The following BET1 variants were observed in gnomAD, a reference collection of about 807,000 sequenced individuals.
BET1 encodes BET1 homolog.
Under a neutral mutation model 13.9 loss-of-function variants are expected in BET1, and 9 were observed. The observed-to-expected ratio is 0.65, with a 90% CI of 0.39 to 1.13. BET1 has a LOEUF of 1.13. Ranked by LOEUF, BET1 falls within the 50% of genes most tolerant of loss-of-function variation. The probability of loss-of-function intolerance (pLI) is 0.01; values close to 1 mark genes in which losing one functional copy is unlikely to be tolerated. For synonymous variants in BET1, 39 were observed against 47.3 expected (o/e 0.82, Z 0.72); for missense variants, 127 against 133.6 (o/e 0.95, Z 0.24).
chr7:93,964,902 G>A (rs1001879668), exon 7 of BET1: 1 of 152,028 alleles, frequency 6.6e-6, no homozygotes, highest in African/African-American at 2.4e-5. Flanking sequence ...TGCCACTGTG[G>A]AAATCAGCTT....
chr7:93,997,695 G>A (rs936020346), intron 2 of BET1, among the ~76,000 whole-genome samples: 3 of 152,076 alleles, frequency 2.0e-5, no homozygotes, highest in African/African-American at 2.4e-5. Context: ...ATAAGTGAAC[G>A]TCATGTTCAT....
At chr7:94,003,284 T>C (rs1454127465) in intron 1 of BET1, among the ~76,000 whole-genome samples, 1 of 152,110 alleles carries the variant, frequency 6.6e-6, no homozygotes, top group Non-Finnish European at 1.5e-5. Context: ...AATTTATTGA[T>C]CAATAAACAA....
chr7:93,974,622 A>G (rs918741934), intron 5 of BET1, among the ~76,000 whole-genome samples: 1 of 152,022 alleles, frequency 6.6e-6, no homozygotes, highest in Non-Finnish European at 1.5e-5. Context: ...AGTGATAAAG[A>G]TAAGTATTTG....
At chr7:93,985,973 G>C (rs942067565) in intron 4 of BET1, among the ~76,000 whole-genome samples, 1 of 152,164 alleles carries the variant, frequency 6.6e-6, no homozygotes, top group Non-Finnish European at 1.5e-5. Flanking sequence ...GTGATACTGA[G>C]ATTTAAATGT....
chr7:93,980,742 A>C (rs1795413552), intron 4 of BET1, among the ~76,000 whole-genome samples: 1 of 152,184 alleles, frequency 6.6e-6, no homozygotes. Flanking sequence ...TCTATTCAAC[A>C]TAGTACTGGA....
In BET1 at chr7:93,999,161, T is replaced by C. The variant is rs1051589774; in HGVS notation, c.144+9A>G. 17 of 1,594,618 alleles carry C rather than the reference T, an allele frequency of 1.1e-5. No individual in the cohort carries two copies. Among genetic ancestry groups the C allele is most frequent in the Non-Finnish European group, 1.5e-5 (17 of 1,165,390 alleles). ...ATTAAAACACATATAATATTTGTTA[T>C]ATACTTACAGATTTTATAGCAGTTA... On this transcript the variant is annotated intron_variant, in intron 2 of 3. Transcript: ENST00000222547.
rs1008406656 is a variant in BET1 at position 93,982,959 on chromosome 7, C to T, written c.236-6859G>A. Among the ~76,000 whole-genome samples, 8 of 152,010 alleles carry T rather than the reference C, an allele frequency of 5.3e-5. No individual in the cohort carries two copies. In the South Asian group the frequency reaches 1.0e-3, roughly 20 times the overall value. ...AGGTTCTGATGTTCTTTAGCACTGA[C>T]GTAATTGACCCTACACTAGGGAAAG... On this transcript the variant is annotated intron_variant and NMD_transcript_variant, in intron 4 of 6. Transcript: ENST00000357520.
chr7:93,963,467 TTTTA>T, exon 7 of BET1: 1 of 152,212 alleles, frequency 6.6e-6, no homozygotes, highest in Non-Finnish European at 1.5e-5. Context: ...ATACTATATA[TTTTA>T]TTTGTCCATT....
intron 6 of BET1, chr7:93,965,715 T>C (rs149520463): frequency 6.6e-6 from 1 of 152,196 alleles, no homozygotes; most frequent in East Asian, 1.9e-4. Context: ...TTTATGAAAG[T>C]ATAAGTAATA....
At chr7:93,964,849 A>C (rs1795148723) in exon 7 of BET1, 1 of 152,142 alleles carries the variant, frequency 6.6e-6, no homozygotes, top group African/African-American at 2.4e-5. Flanking sequence ...CTGCAGAGAA[A>C]AGAGAACACT....
At chr7:93,981,570 C>T (rs758469962) in intron 4 of BET1, among the ~76,000 whole-genome samples, 1 of 152,172 alleles carries the variant, frequency 6.6e-6, no homozygotes, top group Non-Finnish European at 1.5e-5. Context: ...GAGCATACTA[C>T]TTAAGCTGTC....
Position 93,993,336 on chromosome 7 carries a change from T to C in BET1, c.*894A>G. On this transcript the variant is annotated 3_prime_UTR_variant, in exon 4 of 4. Coordinates refer to ENST00000222547, the MANE Select transcript of BET1 (RefSeq NM_005868.6). The stretch of plus-strand genomic sequence containing the variant: ...ATACAGAATATTTAACAATATTTAA[T>C]ATTTTTTACTCAACAGTCTGCCTTT... 1 of 943,934 alleles carries C rather than the reference T, an allele frequency of 1.1e-6. No homozygotes were observed. The highest frequency in any genetic ancestry group is 1.3e-6 in the Non-Finnish European group (1 of 792,022). The allele number at this position is 943,934 out of a possible 1,614,324, so 58.5% of individuals were successfully genotyped here. A position where few individuals can be genotyped will look rare whatever the true frequency, so the allele number is the denominator to read the frequency against.
chr7:93,991,765 T>C (rs920288538), downstream of BET1: 18 of 952,352 alleles, frequency 1.9e-5, no homozygotes, highest in Admixed American at 6.2e-5. Context: ...GCCACAATGC[T>C]ACTCTGCTTC....
At chr7:93,970,495 C>T (rs150149389) in intron 6 of BET1, among the ~76,000 whole-genome samples, 106 of 151,838 alleles carry the variant, frequency 7.0e-4, no homozygotes, top group African/African-American at 2.4e-3. Context: ...GCATATTTTA[C>T]GCATTTTTTT....
At chr7:93,984,529 C>G (rs1322142499) in intron 4 of BET1, among the ~76,000 whole-genome samples, 1 of 151,972 alleles carries the variant, frequency 6.6e-6, no homozygotes, top group East Asian at 1.9e-4. Context: ...AGGCCACTTT[C>G]TTTCCTGGAA....
chr7:93,990,371 G>C (rs1584139071), downstream of BET1, among the ~76,000 whole-genome samples: 1 of 152,062 alleles, frequency 6.6e-6, no homozygotes, highest in South Asian at 2.1e-4. Context: ...AACTTGAGGA[G>C]AAAGCAATAA....
chr7:93,974,979 C>T (rs1795314180), intron 5 of BET1, among the ~76,000 whole-genome samples: 1 of 151,946 alleles, frequency 6.6e-6, no homozygotes, highest in African/African-American at 2.4e-5. Flanking sequence ...CATATCACTT[C>T]TGTAGTATTC....
At chr7:93,976,026 G>A (rs1169035363) in exon 5 of BET1, 2 of 1,280,128 alleles carry the variant, frequency 1.6e-6, no homozygotes, top group Admixed American at 4.6e-5. Context: ...CTGGACAAAT[G>A]CTGAGGAACA....
intron 1 of BET1, among the ~76,000 whole-genome samples, chr7:94,001,641 A>T (rs1004870075): frequency 6.6e-6 from 1 of 152,242 alleles, no homozygotes; most frequent in African/African-American, 2.4e-5. Context: ...GCTCAGTCAA[A>T]TATTAAAATC....
Sources: gnomAD v4.1 joint callset for allele counts (sites outside exome capture counted in the v4.1 genomes callset) on GRCh38, gnomAD v4.1.1 for gene constraint, MANE v1.5 for transcripts, NCBI Gene and HGNC (gene_info 2026-07-23, HGNC 2026-07-21) for gene names.